The following ASPH variants were observed in gnomAD, a reference collection of about 807,000 sequenced individuals.
ASPH encodes aspartate beta-hydroxylase.
ASPH carries 100 observed loss-of-function variants against 118.4 expected under a neutral mutation model. That is an observed-to-expected ratio of 0.84 (90% CI 0.72 to 1.00). ASPH has a LOEUF of 1.00. ASPH is among the 50% of genes least tolerant of loss of function. ASPH has a pLI of 0.00. For missense variants in ASPH, 920 were observed against 919.5 expected, an observed-to-expected ratio of 1.00 and a Z score of -0.01; for synonymous variants, 315 against 325.6, an observed-to-expected ratio of 0.97 and a Z score of 0.35.
chr8:61,596,101 C>T (rs988047841), intron 14 of ASPH, among the ~76,000 whole-genome samples: 9 of 152,114 alleles, frequency 5.9e-5, no homozygotes, highest in African/African-American at 2.2e-4. Flanking sequence ...CCTGCTACTC[C>T]CTGTGCATGT....
At chr8:61,519,197 G>C (rs1434940845) in intron 22 of ASPH, among the ~76,000 whole-genome samples, 1 of 152,066 alleles carries the variant, frequency 6.6e-6, no homozygotes, top group East Asian at 1.9e-4. Flanking sequence ...GTGCTTCCAT[G>C]CATATGTTGA....
rs775326024 is a variant in ASPH at position 61,548,170 on chromosome 8, G to A, written c.1665C>T (p.His555=). The change falls in exon 21 of 25, where the codon CAC becomes CAT. Residue 555 remains histidine (H), a synonymous_variant. Transcript: ENST00000379454. ...KWYELGHKRG[H]FASVWQRSLY... Reference sequence around the variant, plus strand: ...GTGAGCGTTGCCAGACAGATGCAAAGTGTCCTCTCTTGTGCCCAAGCTCAT... The same window carrying A: ...GTGAGCGTTGCCAGACAGATGCAAAATGTCCTCTCTTGTGCCCAAGCTCAT... 9.9e-6 allele frequency: 16 copies of A among 1,613,836 alleles called. No individual in the cohort carries two copies. Among genetic ancestry groups the A allele is most frequent in the Non-Finnish European group, 1.3e-5 (15 of 1,179,894 alleles).
intron 1 of ASPH, among the ~76,000 whole-genome samples, chr8:61,710,991 T>C (rs1361320808): frequency 1.3e-5 from 2 of 152,194 alleles, no homozygotes; most frequent in Non-Finnish European, 2.9e-5. Flanking sequence ...GGCTGCTCAA[T>C]CTACTGAGAC....
intron 3 of ASPH, among the ~76,000 whole-genome samples, chr8:61,654,327 G>T (rs1812560846): frequency 6.6e-6 from 1 of 152,144 alleles, no homozygotes; most frequent in Non-Finnish European, 1.5e-5. Context: ...GTTATTTGAA[G>T]TTATTTGATA....
In ASPH at chr8:61,597,250, C is replaced by T. The variant is rs1220062462; in HGVS notation, c.977-13221G>A. ...GGCCTGGCATGGTCAGGCATGGTGG[C>T]TCATGTCTGTAATCCCAGCACTTTG... On this transcript the variant is annotated intron_variant, in intron 14 of 24. Coordinates refer to ENST00000379454, the MANE Select transcript of ASPH (RefSeq NM_004318.4). Among the ~76,000 whole-genome samples, 3 of 149,918 alleles carry T rather than the reference C, an allele frequency of 2.0e-5. No homozygotes were observed. The South Asian group carries it at 6.3e-4, about 32-fold the overall frequency.
In ASPH at chr8:61,651,085, TG is replaced by T. The variant is rs1480559872; in HGVS notation, c.454del (p.Gln152SerfsTer41). The T allele has an allele frequency of 6.2e-7, 1 of 1,613,844 alleles. No homozygotes were observed. The highest frequency in any genetic ancestry group is 1.1e-5 in the South Asian group (1 of 91,064). ...NIEDEAKEQIQSLLHEMVHAE... is the reference protein window; with the variant it reads ...NIEDEAKEQIXSLLHEMVHAE... The stretch of plus-strand genomic sequence containing the variant: ...GTGTACCATTTCATGGAGAAGGGAC[TG>T]AATTTGTTCTTTTGCTTCATCTTCG... On this transcript the variant is annotated frameshift_variant, in exon 5 of 25. Coordinates refer to ENST00000379454, the MANE Select transcript of ASPH (RefSeq NM_004318.4). LOFTEE classifies it high-confidence loss of function.
chr8:61,578,129 A>G, intron 15 of ASPH: 2 of 1,385,158 alleles, frequency 1.4e-6, no homozygotes, highest in Non-Finnish European at 9.6e-7. Context: ...TCCCATTCAA[A>G]ATGGGAGAAA....
chr8:61,562,020 C>A (rs889850148), intron 18 of ASPH, among the ~76,000 whole-genome samples: 2 of 152,184 alleles, frequency 1.3e-5, no homozygotes, highest in African/African-American at 4.8e-5. Context: ...GCTTGAAAAC[C>A]ATTGATCAAA....
At chr8:61,552,893 A>T in intron 20 of ASPH, 138 bp downstream of exon 20, 2 of 662,396 alleles carry the variant, frequency 3.0e-6, no homozygotes, top group Non-Finnish European at 5.0e-6. Flanking sequence ...AAGATAGTTT[A>T]AGTAACTAAA....
chr8:61,712,238 T>C (rs1035863802), intron 1 of ASPH, among the ~76,000 whole-genome samples: 1 of 152,138 alleles, frequency 6.6e-6, no homozygotes, highest in Admixed American at 6.5e-5. Flanking sequence ...TCGCACAACG[T>C]CCGTACTTTA....
chr8:61,658,079 G>C (rs1250492814), intron 3 of ASPH: 2 of 152,148 alleles, frequency 1.3e-5, no homozygotes, highest in African/African-American at 4.8e-5. Context: ...TATGAAATTT[G>C]AGAAATATTC....
At chr8:61,579,290 G>A in intron 15 of ASPH, 1 of 1,614,176 alleles carries the variant, frequency 6.2e-7, no homozygotes, top group Non-Finnish European at 8.5e-7. Context: ...CCGAGCTGGA[G>A]GCTGCCCTGC....
At position 61,626,121 on chromosome 8, in the gene ASPH, T is replaced by C. The variant is rs1436900136; in HGVS notation, c.935-7102A>G. 4.8e-6 allele frequency: 6 copies of C among 1,251,318 alleles called. No homozygotes were observed. The African/African-American group carries it at 7.8e-5, about 16-fold the overall frequency. 77.5% of individuals were successfully genotyped at this position (1,251,318 alleles called of 1,614,324 possible). On this transcript the variant is annotated intron_variant, in intron 13 of 24. Transcript: ENST00000379454. ...AAAAAAAAATACACTAAAATGCCAGTGGACTATAATTCATTCAAAACATCT... is the reference window on the plus strand; with the variant it reads ...AAAAAAAAATACACTAAAATGCCAGCGGACTATAATTCATTCAAAACATCT...
At chr8:61,613,957 A>G (rs1255609798) in intron 14 of ASPH, among the ~76,000 whole-genome samples, 1 of 152,252 alleles carries the variant, frequency 6.6e-6, no homozygotes, top group African/African-American at 2.4e-5. Flanking sequence ...TTATGATCAC[A>G]GAAAACTAAG....
Position 61,684,174 on chromosome 8 carries a change from C to T in ASPH, c.118G>A (p.Gly40Arg). Residue 40 changes from glycine to arginine, a missense_variant, in exon 2 of 25, where the codon GGA (glycine) becomes AGA (arginine). Gly to Arg is a moderately radical substitution (Grantham distance 125). Transcript: ENST00000379454. The stretch of plus-strand genomic sequence containing the variant: ...CCGCCTTTCCTCCCATTCTTGTGTC[C>T]TCCATGCTTTGTCTCTGTTTAGAAA... Reference protein sequence around the residue: ...PGARRETKHGGHKNGRKGGLS... With the variant: ...PGARRETKHGRHKNGRKGGLS... 1 of 1,612,168 alleles carries T rather than the reference C, an allele frequency of 6.2e-7. No individual in the cohort carries two copies. The highest frequency in any genetic ancestry group is 8.5e-7 in the Non-Finnish European group (1 of 1,179,026).
At chr8:61,709,043 G>A (rs1414997185) in intron 1 of ASPH, among the ~76,000 whole-genome samples, 2 of 152,144 alleles carry the variant, frequency 1.3e-5, no homozygotes, top group Non-Finnish European at 2.9e-5. Context: ...TTTAAAAAGA[G>A]TTATTCACCA....
At chr8:61,664,527 T>G in intron 3 of ASPH, 1 of 985,192 alleles carries the variant, frequency 1.0e-6, no homozygotes, top group Non-Finnish European at 1.2e-6. Flanking sequence ...GCACTAAGTA[T>G]GTACTGGATG....
At chr8:61,643,264 T>G (rs886869833) in intron 9 of ASPH, 122 bp downstream of exon 9, 14 of 914,986 alleles carry the variant, frequency 1.5e-5, no homozygotes, top group African/African-American at 1.7e-5. Flanking sequence ...CAAAATCTCA[T>G]GCATTAGATG....
chr8:61,637,372 T>C (rs1284572215), intron 12 of ASPH, among the ~76,000 whole-genome samples: 1 of 152,186 alleles, frequency 6.6e-6, no homozygotes, highest in Non-Finnish European at 1.5e-5. Flanking sequence ...GCTCCCTGTT[T>C]CTCAGTGCCT....
Sources: gnomAD v4.1 joint callset for allele counts (sites outside exome capture counted in the v4.1 genomes callset) on GRCh38, gnomAD v4.1.1 for gene constraint, MANE v1.5 for transcripts, NCBI Gene and HGNC (gene_info 2026-07-23, HGNC 2026-07-21) for gene names.